The following PCDHGC3 variants were observed in gnomAD, a reference collection of about 807,000 sequenced individuals.
PCDHGC3 encodes protocadherin gamma-C3.
A neutral mutation model predicts 59.2 loss-of-function variants in PCDHGC3; 26 were observed. The observed-to-expected ratio is 0.44, with a 90% confidence interval of 0.32 to 0.61. The LOEUF (loss-of-function observed/expected upper bound fraction) is 0.61, where lower values mean the gene tolerates loss of function less well. Among genes scored for constraint, PCDHGC3 ranks in the 20% least tolerant of loss-of-function variants. PCDHGC3 has a pLI of 0.05. For missense variants in PCDHGC3, 1,080 were observed against 1,221.8 expected (o/e 0.88, Z 1.73); for synonymous variants, 487 against 519.7 (o/e 0.94, Z 0.86).
At chr5:141,478,862 C>T (rs1057119202) in intron 1 of PCDHGC3, 23 of 1,325,916 alleles carry the variant, frequency 1.7e-5, no homozygotes, top group Non-Finnish European at 2.2e-5. Flanking sequence ...AAGATCTCAG[C>T]GATCAGAGTT....
rs777247531 is a variant in PCDHGC3 at position 141,476,417 on chromosome 5, C to T, written c.301C>T (p.Leu101=). 3 of 1,614,112 alleles carry T rather than the reference C, an allele frequency of 1.9e-6. No homozygotes were observed. Among genetic ancestry groups the T allele is most frequent in the Admixed American group, 1.7e-5 (1 of 60,018 alleles). ...RLDREELCGT[L]PSCTVTLELV... is the part of the protein sequence containing the mutation. The stretch of plus-strand genomic sequence containing the variant: ...GGATCGAGAGGAGCTGTGTGGGACA[C>T]TGCCCTCTTGCACTGTAACTCTGGA... Residue 101 remains leucine (L), a synonymous_variant, in exon 1 of 4, where the codon CTG becomes TTG. Coordinates refer to ENST00000308177, the MANE Select transcript of PCDHGC3 (RefSeq NM_002588.4). The surrounding 1 kb of genome is among the most constrained non-coding windows in gnomAD (Gnocchi z 7.6).
chr5:141,492,224 T>C (rs2099738444), intron 1 of PCDHGC3, among the ~76,000 whole-genome samples: 1 of 152,134 alleles, frequency 6.6e-6, no homozygotes, highest in South Asian at 2.1e-4. Flanking sequence ...CTCATGCGTG[T>C]CCTCCCTGCT....
At chr5:141,492,727 G>A (rs2099743408) in intron 1 of PCDHGC3, among the ~76,000 whole-genome samples, 1 of 152,274 alleles carries the variant, frequency 6.6e-6, no homozygotes, top group South Asian at 2.1e-4. Flanking sequence ...GACAGGCAGA[G>A]CTGCCCAGTG....
chr5:141,487,749 A>G lies in PCDHGC3; in HGVS notation c.2431-7058A>G, dbSNP rs574710316. 3.9e-5 allele frequency: 60 copies of G among 1,557,180 alleles called. No homozygotes were observed. The African/African-American group carries it at 5.6e-4, about 14-fold the overall frequency. ...GTCACCATTTTTGTAAGAGGTAACT[A>G]TGTGGTAGACGCTGTGCTTTGTAAC... is the stretch of plus-strand genomic sequence containing the variant. On this transcript the variant is annotated intron_variant, in intron 1 of 3. Coordinates refer to ENST00000308177, the MANE Select transcript of PCDHGC3 (RefSeq NM_002588.4). The surrounding 1 kb of genome is among the most constrained non-coding windows in gnomAD (Gnocchi z 5.0).
Position 141,477,439 on chromosome 5 carries a change from A to C in PCDHGC3, c.1323A>C (p.Thr441=). 1 of 1,614,142 alleles carries C rather than the reference A, an allele frequency of 6.2e-7. No homozygotes were observed. Among genetic ancestry groups the C allele is most frequent in the Non-Finnish European group, 8.5e-7 (1 of 1,180,016 alleles). Residue 441 remains threonine, a synonymous_variant, in exon 1 of 4, where the codon ACA becomes ACC. Transcript: ENST00000308177. This position sits in a 1 kb window ranked among gnomAD's most constrained non-coding sequence, Gnocchi z 4.9. ...DAGTPSLSAL[T]IVRVQVSDIN... ...GAACCCCTTCCCTCTCAGCCCTTAC[A>C]ATAGTGCGTGTTCAAGTGTCCGACA... is the stretch of plus-strand genomic sequence containing the variant.
chr5:141,490,130 C>A lies in PCDHGC3; in HGVS notation c.2431-4677C>A, dbSNP rs535362535. On this transcript the variant is annotated intron_variant, in intron 1 of 3. Coordinates refer to ENST00000308177, the MANE Select transcript of PCDHGC3 (RefSeq NM_002588.4). The surrounding 1 kb of genome is among the most constrained non-coding windows in gnomAD (Gnocchi z 5.4). ...GTGCGGAACCTCTTTGGCCTAGACC[C>A]TAGCAGTGGGGCAATCCATGTGTTG... 11 of 1,614,242 alleles carry A rather than the reference C, an allele frequency of 6.8e-6. No individual in the cohort carries two copies. In the African/African-American group the frequency reaches 1.3e-4, roughly 20 times the overall value.
chr5:141,478,020 A>G lies in PCDHGC3; in HGVS notation c.1904A>G (p.Gln635Arg), dbSNP rs1315422039. 1.2e-6 allele frequency: 2 copies of G among 1,613,976 alleles called. No homozygotes were observed. Among genetic ancestry groups the G allele is most frequent in the Non-Finnish European group, 1.7e-6 (2 of 1,180,008 alleles). The change falls in exon 1 of 4, where the codon CAA becomes CGA. Residue 635 changes from glutamine to arginine, a missense_variant. By Grantham distance (43) the Gln-to-Arg change is conservative (BLOSUM62 1). Coordinates refer to ENST00000308177, the MANE Select transcript of PCDHGC3 (RefSeq NM_002588.4). The stretch of plus-strand genomic sequence containing the variant: ...CAAATCAGTACTGCCCGTCCAGTCC[A>G]AGACACAGATTCACCCAGGCAGACT... Reference protein sequence around the residue: ...TGQISTARPVQDTDSPRQTLT... With the variant: ...TGQISTARPVRDTDSPRQTLT...
Position 141,487,687 on chromosome 5 carries a change from A to G in PCDHGC3, c.2431-7120A>G, listed in dbSNP as rs750431854. ...CAGGCATATGGCTAGGCCATGTCCTAGAGAGTACTGGCCTCTCAGTAAGTG... is the reference window on the plus strand; with the variant it reads ...CAGGCATATGGCTAGGCCATGTCCTGGAGAGTACTGGCCTCTCAGTAAGTG... On this transcript the variant is annotated intron_variant, in intron 1 of 3. Transcript: ENST00000308177. This position sits in a 1 kb window ranked among gnomAD's most constrained non-coding sequence, Gnocchi z 5.0. The G allele has an allele frequency of 1.9e-6, 3 of 1,606,256 alleles. No individual in the cohort carries two copies. The highest frequency in any genetic ancestry group is 3.4e-5 in the Admixed American group (2 of 58,832).
At position 141,491,681 on chromosome 5, in the gene PCDHGC3, C is replaced by T; in HGVS notation, c.2431-3126C>T. 6.2e-6 allele frequency: 10 copies of T among 1,613,458 alleles called. No homozygotes were observed. Among genetic ancestry groups the T allele is most frequent in the Non-Finnish European group, 8.5e-6 (10 of 1,179,804 alleles). On this transcript the variant is annotated intron_variant, in intron 1 of 3. Transcript: ENST00000308177. The surrounding 1 kb of genome is among the most constrained non-coding windows in gnomAD (Gnocchi z 6.9). ...GACGCCATCCGGTCCCGCTCTAATA[C>T]GCTGCGGGAGCGGAGCCAGGTGAGG...
rs746475685 is a variant in PCDHGC3, at chr5:141,478,497, C to A, written c.2381C>A (p.Pro794Gln). ...CAGAACACGCTGCGGAGCTGTGATC[C>A]GGTGTTCTATAGGCAGGTGTTGGGT... Reference protein sequence around the residue: ...SRQNTLRSCDPVFYRQVLGAE... With the variant: ...SRQNTLRSCDQVFYRQVLGAE... The change falls in exon 1 of 4, where the codon CCG (proline) becomes CAG (glutamine). Residue 794 changes from proline (P) to glutamine (Q), a missense_variant. Coordinates refer to ENST00000308177, the MANE Select transcript of PCDHGC3 (RefSeq NM_002588.4). 1.2e-6 allele frequency: 2 copies of A among 1,612,820 alleles called. No individual in the cohort carries two copies. Among genetic ancestry groups the A allele is most frequent in the Non-Finnish European group, 1.7e-6 (2 of 1,179,388 alleles).
At chr5:141,498,429 G>T (rs1595525351) in intron 2 of PCDHGC3, among the ~76,000 whole-genome samples, 1 of 152,290 alleles carries the variant, frequency 6.6e-6, no homozygotes, top group East Asian at 1.9e-4. Flanking sequence ...GGAGTGAGGG[G>T]ATGAAGAGGA....
Position 141,487,424 on chromosome 5 carries a change from C to T in PCDHGC3, c.2431-7383C>T, listed in dbSNP as rs759893122. 5 of 1,613,982 alleles carry T rather than the reference C, an allele frequency of 3.1e-6. No individual in the cohort carries two copies. The highest frequency in any genetic ancestry group is 1.7e-5 in the Admixed American group (1 of 60,000). On this transcript the variant is annotated intron_variant, in intron 1 of 3. Transcript: ENST00000308177. The surrounding 1 kb of genome is among the most constrained non-coding windows in gnomAD (Gnocchi z 5.0). ...GCTTCCCCCTTCCAATGGGATCCTC[C>T]GAATCCAGCTAGGGTCAGATGACCC...
chr5:141,489,335 G>T lies in PCDHGC3; in HGVS notation c.2431-5472G>T. On this transcript the variant is annotated intron_variant, in intron 1 of 3. Transcript: ENST00000308177. This position sits in a 1 kb window ranked among gnomAD's most constrained non-coding sequence, Gnocchi z 4.5. ...TGGGGCTGGGTGTCTGGGCAGCTTC[G>T]TTACTCAGTGGTGGAGGAGTCTGAG... 1.2e-6 allele frequency: 2 copies of T among 1,607,364 alleles called. No individual in the cohort carries two copies. The highest frequency in any genetic ancestry group is 1.7e-6 in the Non-Finnish European group (2 of 1,175,842).
intron 1 of PCDHGC3, chr5:141,479,772 G>A (rs904607838): frequency 1.3e-5 from 2 of 152,192 alleles, no homozygotes; most frequent in Non-Finnish European, 2.9e-5. Flanking sequence ...CATATCCTTA[G>A]ACAGGTAAAG....
chr5:141,477,378 C>A lies in PCDHGC3; in HGVS notation c.1262C>A (p.Pro421Gln). Residue 421 changes from proline to glutamine, a missense_variant, in exon 1 of 4, where the codon CCA (proline) becomes CAA (glutamine). Coordinates refer to ENST00000308177, the MANE Select transcript of PCDHGC3 (RefSeq NM_002588.4). This position sits in a 1 kb window ranked among gnomAD's most constrained non-coding sequence, Gnocchi z 4.9. Reference protein sequence around the residue: ...TSADLDRETVPEYNLSITARD... With the variant: ...TSADLDRETVQEYNLSITARD... ...GCAGACCTGGATCGGGAGACTGTGC[C>A]AGAATACAACCTCAGCATCACCGCC... 2 of 1,614,136 alleles carry A rather than the reference C, an allele frequency of 1.2e-6. No homozygotes were observed. Among genetic ancestry groups the A allele is most frequent in the Non-Finnish European group, 1.7e-6 (2 of 1,180,034 alleles).
chr5:141,490,497 C>T lies in PCDHGC3; in HGVS notation c.2431-4310C>T. 8 of 1,614,196 alleles carry T rather than the reference C, an allele frequency of 5.0e-6. No individual in the cohort carries two copies. Among genetic ancestry groups the T allele is most frequent in the Non-Finnish European group, 6.8e-6 (8 of 1,180,038 alleles). ...CTTTGGACCGGGAGGCCACATCCCACTATATCATCGAGCTGCTGGCCAGCG... is the reference window on the plus strand; with the variant it reads ...CTTTGGACCGGGAGGCCACATCCCATTATATCATCGAGCTGCTGGCCAGCG... On this transcript the variant is annotated intron_variant, in intron 1 of 3. Transcript: ENST00000308177. The surrounding 1 kb of genome is among the most constrained non-coding windows in gnomAD (Gnocchi z 5.4).
chr5:141,511,733 T>C lies in PCDHGC3; in HGVS notation c.*560T>C, dbSNP rs1032711521. 9 of 177,040 alleles carry C rather than the reference T, an allele frequency of 5.1e-5. No individual in the cohort carries two copies. The highest frequency in any genetic ancestry group is 8.7e-5 in the Non-Finnish European group (7 of 80,868). The allele number at this position is 177,040 out of a possible 1,614,324, so 11.0% of individuals were successfully genotyped here. ...TCCTTCCAGAGCCCAAGATCAATGC[T>C]CAAGTTTTGGAGGACATGATCACCA... On this transcript the variant is annotated 3_prime_UTR_variant, in exon 4 of 4. Transcript: ENST00000308177.
Position 141,511,072 on chromosome 5 carries a change from A to C in PCDHGC3, c.2704A>C (p.Ser902Arg). The C allele has an allele frequency of 6.2e-7, 1 of 1,614,252 alleles. No individual in the cohort carries two copies. Among genetic ancestry groups the C allele is most frequent in the Non-Finnish European group, 8.5e-7 (1 of 1,180,034 alleles). Residue 902 changes from serine to arginine, a missense_variant, in exon 4 of 4, where the codon AGC (serine) becomes CGC (arginine). Ser to Arg is a moderately radical substitution (Grantham distance 110). Coordinates refer to ENST00000308177, the MANE Select transcript of PCDHGC3 (RefSeq NM_002588.4). ...CCGCCAGAATGTCTACATCCCAGGC[A>C]GCAATGCCACACTGACCAACGCAGC... ...DYRQNVYIPG[S>R]NATLTNAAGK...
Position 141,491,910 on chromosome 5 carries a change from G to A in PCDHGC3, c.2431-2897G>A, listed in dbSNP as rs946745903. 1.4e-5 allele frequency: 19 copies of A among 1,406,944 alleles called. No individual in the cohort carries two copies. The South Asian group carries it at 2.6e-4, about 19-fold the overall frequency. 87.2% of individuals were successfully genotyped at this position (1,406,944 alleles called of 1,614,324 possible). On this transcript the variant is annotated intron_variant, in intron 1 of 3. Transcript: ENST00000308177. This position sits in a 1 kb window ranked among gnomAD's most constrained non-coding sequence, Gnocchi z 6.9. ...GGCTCCGAGCACCGGGGGTGGTGGCGACTGTGGGCGAGGGGAGGTGGGACC... is the reference window on the plus strand; with the variant it reads ...GGCTCCGAGCACCGGGGGTGGTGGCAACTGTGGGCGAGGGGAGGTGGGACC...
Sources: allele counts gnomAD v4.1 joint callset (sites outside exome capture counted in the v4.1 genomes callset), GRCh38; gene constraint gnomAD v4.1.1; non-coding constraint Gnocchi (gnomAD v3.1); transcripts MANE v1.5; gene names NCBI Gene and HGNC (gene_info 2026-07-23, HGNC 2026-07-21).